Variants in TAFA1 observed in about 807,000 individuals in gnomAD.
The protein encoded by TAFA1 is TAFA chemokine like family member 1, also known as chemokine-like protein TAFA-1.
TAFA1 carries 4 observed loss-of-function variants against 18.5 expected under a neutral mutation model. The ratio of observed to expected loss-of-function variants is 0.22; its 90% CI spans 0.11 to 0.49. The LOEUF is 0.49. Among genes scored for constraint, TAFA1 ranks in the 20% least tolerant of loss-of-function variants. The probability of loss-of-function intolerance (pLI) is 0.98; values close to 1 mark genes in which losing one functional copy is unlikely to be tolerated. For synonymous variants in TAFA1, 56 were observed against 55.2 expected (o/e 1.01, Z -0.06); for missense variants, 147 against 169.0 (o/e 0.87, Z 0.72).
At chr3:68,161,530 TC>T (rs2065924922) in intron 2 of TAFA1, among the ~76,000 whole-genome samples, 1 of 152,182 alleles carries the variant, frequency 6.6e-6, no homozygotes, top group Non-Finnish European at 1.5e-5. Flanking sequence ...TTATAATATT[TC>T]TATCACTTGT....
intron 3 of TAFA1, among the ~76,000 whole-genome samples, chr3:68,459,156 G>A (rs1168738967): frequency 6.6e-6 from 1 of 152,156 alleles, no homozygotes; most frequent in Non-Finnish European, 1.5e-5. Context: ...ACCATTTTGG[G>A]CAAGGAAGTG....
chr3:67,998,285 G>A, the TAFA1 span, among the ~76,000 whole-genome samples: 1 of 152,092 alleles, frequency 6.6e-6, no homozygotes, highest in Admixed American at 6.6e-5. Context: ...ACATATCAAA[G>A]TCCTTTAGTC....
At chr3:68,020,400 C>T (rs13095007) in intron 2 of TAFA1, among the ~76,000 whole-genome samples, 9,631 of 152,170 alleles carry the variant, frequency 0.063, 421 homozygotes, top group Non-Finnish European at 0.092. Context: ...ACTTTCTCTG[C>T]CTCACCCATA....
chr3:68,043,096 G>T (rs540503201), intron 2 of TAFA1, among the ~76,000 whole-genome samples: 2 of 152,050 alleles, frequency 1.3e-5, no homozygotes, highest in African/African-American at 4.8e-5. Flanking sequence ...TGTTAGCCAG[G>T]CTGGTCCTCA....
In TAFA1 at chr3:68,124,070, G is replaced by A. The variant is rs2065435571; in HGVS notation, c.118+117326G>A. ...TGTTGAAATTTTTGAAGCGTTTGCT[G>A]ATTTGATTATCTGTGTTAGCCTTCA... On this transcript the variant is annotated intron_variant, in intron 2 of 4. Coordinates refer to ENST00000478136, the MANE Select transcript of TAFA1 (RefSeq NM_213609.4). Among the ~76,000 whole-genome samples the A allele has an allele frequency of 2.6e-5, 4 of 152,248 alleles. No individual in the cohort carries two copies. The South Asian group carries it at 8.3e-4, about 32-fold the overall frequency.
chr3:68,026,557 A>G (rs181780232), intron 2 of TAFA1, among the ~76,000 whole-genome samples: 3 of 152,214 alleles, frequency 2.0e-5, no homozygotes, highest in African/African-American at 7.2e-5. Flanking sequence ...CCACATATAT[A>G]CATCTGTATA....
At chr3:68,116,643 T>C (rs1333940080) in intron 2 of TAFA1, among the ~76,000 whole-genome samples, 2 of 152,176 alleles carry the variant, frequency 1.3e-5, no homozygotes, top group South Asian at 2.1e-4. Context: ...TCAAAATTTG[T>C]CAATATCGCA....
At chr3:68,452,541 A>AAC (rs10689603) in intron 3 of TAFA1, among the ~76,000 whole-genome samples, 5 of 150,872 alleles carry the variant, frequency 3.3e-5, no homozygotes, top group African/African-American at 9.8e-5. Context: ...AAAAAAAAAA[A>AAC]CTAGCAAACA....
chr3:68,144,264 G>A (rs2065709045), intron 2 of TAFA1, among the ~76,000 whole-genome samples: 1 of 152,120 alleles, frequency 6.6e-6, no homozygotes, highest in African/African-American at 2.4e-5. Context: ...GCCTGTCCAT[G>A]TTGGGCTGGC....
At chr3:68,210,325 G>T (rs924011026) in intron 2 of TAFA1, among the ~76,000 whole-genome samples, 1 of 151,936 alleles carries the variant, frequency 6.6e-6, no homozygotes, top group Admixed American at 6.6e-5. Flanking sequence ...TGCCTCTGGG[G>T]ACCATCCTGA....
At chr3:68,045,272 C>A (rs1705244185) in intron 2 of TAFA1, among the ~76,000 whole-genome samples, 1 of 152,062 alleles carries the variant, frequency 6.6e-6, no homozygotes, top group African/African-American at 2.4e-5. Flanking sequence ...GAAACTGGCA[C>A]AATGTACCTA....
chr3:68,165,999 C>T (rs1271216750), intron 2 of TAFA1, among the ~76,000 whole-genome samples: 5 of 152,164 alleles, frequency 3.3e-5, no homozygotes, highest in Non-Finnish European at 7.3e-5. Flanking sequence ...AAACTCCAGC[C>T]CAACCTTGAA....
Position 68,045,900 on chromosome 3 carries a change from G to A in TAFA1, c.118+39156G>A, listed in dbSNP as rs547475743. On this transcript the variant is annotated intron_variant, in intron 2 of 4. Transcript: ENST00000478136. ...TTTCGAAAAGACTTTATTCATAACTGACTATGAGCTGTAAATAATCTGAAG... is the reference window on the plus strand; with the variant it reads ...TTTCGAAAAGACTTTATTCATAACTAACTATGAGCTGTAAATAATCTGAAG... Among the ~76,000 whole-genome samples, 11 of 152,276 alleles carry A rather than the reference G, an allele frequency of 7.2e-5. No homozygotes were observed. The East Asian group carries it at 1.9e-3, about 27-fold the overall frequency.
At chr3:68,370,351 T>C (rs867385186) in intron 2 of TAFA1, among the ~76,000 whole-genome samples, 1,216 of 44,418 alleles carry the variant, frequency 0.027, 61 homozygotes, top group East Asian at 0.19. Context: ...TATATATATA[T>C]ATACACACAC....
chr3:68,302,804 C>A (rs1379023675), intron 2 of TAFA1, among the ~76,000 whole-genome samples: 2 of 152,156 alleles, frequency 1.3e-5, no homozygotes, highest in African/African-American at 4.8e-5. Flanking sequence ...GCAAGGAAAT[C>A]ATTTTCCCTA....
intron 2 of TAFA1, among the ~76,000 whole-genome samples, chr3:68,302,502 C>T (rs1276804495): frequency 6.6e-5 from 10 of 152,100 alleles, no homozygotes; most frequent in African/African-American, 2.4e-4. Flanking sequence ...ATGAACTCCC[C>T]CAGCTATTTG....
chr3:68,380,910 A>C (rs956941764), intron 2 of TAFA1, among the ~76,000 whole-genome samples: 14 of 150,576 alleles, frequency 9.3e-5, no homozygotes, highest in South Asian at 2.1e-4. Flanking sequence ...TAGGTCTAAC[A>C]TGTAAGTCTT....
intron 3 of TAFA1, among the ~76,000 whole-genome samples, chr3:68,506,024 T>C (rs1246476247): frequency 6.6e-6 from 1 of 152,046 alleles, no homozygotes; most frequent in Non-Finnish European, 1.5e-5. Flanking sequence ...TTTCTCCTAA[T>C]GCTATCCCTC....
chr3:68,123,878 CAAAAAAAAAAAAAAAAAAAAA>C (rs758966848), intron 2 of TAFA1, among the ~76,000 whole-genome samples: 39,121 of 71,794 alleles, frequency 0.54, 9,388 homozygotes, highest in Admixed American at 0.63. Flanking sequence ...CTTTTTTTTC[CAAAAAAAAAAAAAAAAAAAAA>C]AAAAAAAAAA....
Sources: allele counts gnomAD v4.1 joint callset (sites outside exome capture counted in the v4.1 genomes callset), GRCh38; gene constraint gnomAD v4.1.1; transcripts MANE v1.5; gene names NCBI Gene and HGNC (gene_info 2026-07-23, HGNC 2026-07-21).